DPP10: variants seen among roughly 807,000 people sequenced by gnomAD.
DPP10 encodes the protein inactive dipeptidyl peptidase 10.
DPP10 carries 33 observed loss-of-function variants against 120.9 expected under a neutral mutation model. That is an observed-to-expected ratio of 0.27 (90% CI 0.21 to 0.37). The LOEUF (loss-of-function observed/expected upper bound fraction) is 0.37, where lower values mean the gene tolerates loss of function less well. Ranked by LOEUF, DPP10 falls within the 10% of genes least tolerant of loss-of-function variation. DPP10 has a pLI of 1.00. For synonymous variants in DPP10, 337 were observed against 326.1 expected, an observed-to-expected ratio of 1.03 and a Z score of -0.36; for missense variants, 816 against 942.8, an observed-to-expected ratio of 0.87 and a Z score of 1.76.
intron 3 of DPP10, among the ~76,000 whole-genome samples, chr2:115,474,639 G>A (rs781043680): frequency 1.1e-4 from 17 of 150,806 alleles, no homozygotes; most frequent in Non-Finnish European, 1.9e-4. Flanking sequence ...TCGTATGTGC[G>A]AGCAAAAAAT....
At chr2:115,170,269 CAT>C (rs2105051495) in intron 1 of DPP10, among the ~76,000 whole-genome samples, 1 of 152,216 alleles carries the variant, frequency 6.6e-6, no homozygotes, top group East Asian at 1.9e-4. Context: ...TTTCACTTCA[CAT>C]GTTTTAAAAC....
chr2:115,582,923 T>G (rs1022092965), intron 5 of DPP10, among the ~76,000 whole-genome samples: 1 of 152,238 alleles, frequency 6.6e-6, no homozygotes, highest in South Asian at 2.1e-4. Context: ...AGGAACTTAG[T>G]TGACATCAGC....
intron 3 of DPP10, among the ~76,000 whole-genome samples, chr2:115,411,026 C>A (rs2068914060): frequency 6.6e-6 from 1 of 151,872 alleles, no homozygotes; most frequent in Admixed American, 6.6e-5. Context: ...AATAAATATA[C>A]ATAGAAAAGA....
At chr2:114,461,278 C>T (rs151054618) in intron 1 of DPP10, among the ~76,000 whole-genome samples, 79 of 152,258 alleles carry the variant, frequency 5.2e-4, no homozygotes, top group African/African-American at 1.8e-3. Flanking sequence ...GGCACAGCCC[C>T]CAGTTTCTTA....
At chr2:115,815,015 G>A (rs1687072707) in intron 20 of DPP10, 28 bp downstream of exon 20, 2 of 1,559,938 alleles carry the variant, frequency 1.3e-6, no homozygotes, top group South Asian at 1.2e-5. Flanking sequence ...TTTCTTCTCT[G>A]TTTTCTATAA....
chr2:115,248,983 G>T (rs1476578857), intron 1 of DPP10, among the ~76,000 whole-genome samples: 1 of 152,096 alleles, frequency 6.6e-6, no homozygotes, highest in East Asian at 1.9e-4. Flanking sequence ...TTTGAAAATG[G>T]AAATTTTTCC....
chr2:115,336,558 A>ACTCTCT (rs70941045), intron 2 of DPP10, among the ~76,000 whole-genome samples: 32 of 144,666 alleles, frequency 2.2e-4, no homozygotes, highest in South Asian at 6.5e-4. Flanking sequence ...ATACATGTGT[A>ACTCTCT]CTCTCTCTCT....
rs560292916 is a variant in DPP10 at position 115,749,573 on chromosome 2, C to T, written c.950+3390C>T. 5.3e-5 allele frequency among the ~76,000 whole-genome samples: 8 copies of T among 152,220 alleles called. No homozygotes were observed. In the East Asian group the frequency reaches 1.5e-3, roughly 29 times the overall value. ...CTTACTCTTCCAAGGAGTATCTGTGCCTTCCAAGAAAATCTAATTAATAAA... is the reference window on the plus strand; with the variant it reads ...CTTACTCTTCCAAGGAGTATCTGTGTCTTCCAAGAAAATCTAATTAATAAA... On this transcript the variant is annotated intron_variant, in intron 10 of 25. Transcript: ENST00000410059.
At chr2:115,162,043 C>T (rs1032009159) in intron 1 of DPP10, 3 of 1,414,938 alleles carry the variant, frequency 2.1e-6, no homozygotes, top group African/African-American at 1.5e-5. Context: ...GAGTCGGCAG[C>T]CGCGGCCAGG....
At chr2:115,768,217 C>T (rs1159048389) in intron 12 of DPP10, 80 bp from the exon 13 acceptor site, 3 of 1,170,468 alleles carry the variant, frequency 2.6e-6, no homozygotes, top group Non-Finnish European at 1.2e-6. Flanking sequence ...TTGGTATAAC[C>T]CATGCAGGAA....
intron 17 of DPP10, among the ~76,000 whole-genome samples, chr2:115,789,825 G>A (rs1435426638): frequency 6.6e-6 from 1 of 152,098 alleles, no homozygotes; most frequent in Non-Finnish European, 1.5e-5. Context: ...GCAAGATTTA[G>A]GAGTATTTTT....
chr2:115,214,742 A>G (rs1017280555), intron 1 of DPP10, among the ~76,000 whole-genome samples: 1 of 152,142 alleles, frequency 6.6e-6, no homozygotes, highest in Admixed American at 6.5e-5. Context: ...AAGGAATGTA[A>G]AAGTTAGCCT....
At chr2:114,742,228 A>G (rs906812469) in intron 1 of DPP10, among the ~76,000 whole-genome samples, 2 of 152,248 alleles carry the variant, frequency 1.3e-5, no homozygotes, top group African/African-American at 4.8e-5. Flanking sequence ...TTATACCTCC[A>G]GTACAGGAAA....
chr2:115,471,835 G>T (rs1360540024), intron 3 of DPP10, among the ~76,000 whole-genome samples: 4 of 151,850 alleles, frequency 2.6e-5, no homozygotes, highest in African/African-American at 9.7e-5. Context: ...GCCCAGACTG[G>T]TCTTGGGGTC....
At chr2:115,185,367 A>G (rs2054363690) in intron 1 of DPP10, among the ~76,000 whole-genome samples, 5 of 152,166 alleles carry the variant, frequency 3.3e-5, no homozygotes, top group Admixed American at 3.3e-4. Context: ...AATGTCAAGA[A>G]TTTAAATTTG....
intron 1 of DPP10, among the ~76,000 whole-genome samples, chr2:115,019,483 T>TA (rs893411962): frequency 9.2e-5 from 14 of 151,830 alleles, no homozygotes; most frequent in Middle Eastern, 3.4e-3. Context: ...AAAAATGAAT[T>TA]AAAAAAAATG....
chr2:115,011,158 A>G (rs905415501), intron 1 of DPP10, among the ~76,000 whole-genome samples: 2 of 152,182 alleles, frequency 1.3e-5, no homozygotes, highest in African/African-American at 2.4e-5. Context: ...CATAATTTTA[A>G]ATGTTTTAGA....
At chr2:114,742,545 T>A (rs1678165871) in intron 1 of DPP10, among the ~76,000 whole-genome samples, 1 of 152,214 alleles carries the variant, frequency 6.6e-6, no homozygotes, top group Admixed American at 6.5e-5. Context: ...ATTTTTTATG[T>A]GGCACTGCTT....
At chr2:115,585,499 G>C (rs1358763964) in intron 5 of DPP10, among the ~76,000 whole-genome samples, 1 of 152,164 alleles carries the variant, frequency 6.6e-6, no homozygotes, top group Non-Finnish European at 1.5e-5. Context: ...TCTTAAATGT[G>C]ATGTCAATTA....
Sources: allele counts gnomAD v4.1 joint callset (sites outside exome capture counted in the v4.1 genomes callset), GRCh38; gene constraint gnomAD v4.1.1; transcripts MANE v1.5; gene names NCBI Gene and HGNC (gene_info 2026-07-23, HGNC 2026-07-21).